Variants in CCDC178 observed in about 807,000 individuals in gnomAD.
CCDC178 encodes the protein coiled-coil domain-containing protein 178.
A neutral mutation model predicts 117.4 loss-of-function variants in CCDC178; 126 were observed. The observed-to-expected ratio is 1.07, with a 90% confidence interval of 0.93 to 1.24. The LOEUF (loss-of-function observed/expected upper bound fraction) is 1.24. CCDC178 is among the 50% of genes most tolerant of loss of function. The pLI, the probability that CCDC178 is intolerant of heterozygous loss-of-function variation, is 0.00. For synonymous variants in CCDC178, 283 were observed against 313.4 expected (o/e 0.90, Z 1.02); for missense variants, 1,030 against 986.9 (o/e 1.04, Z -0.59).
At chr18:33,276,948 G>A (rs1219036503) in intron 12 of CCDC178, among the ~76,000 whole-genome samples, 3 of 151,926 alleles carry the variant, frequency 2.0e-5, no homozygotes, top group Non-Finnish European at 4.4e-5. Context: ...CATTGAAACT[G>A]ACAATACTTT....
intron 6 of CCDC178, among the ~76,000 whole-genome samples, chr18:33,368,143 A>G (rs1010083708): frequency 2.0e-5 from 3 of 152,024 alleles, no homozygotes; most frequent in African/African-American, 7.2e-5. Flanking sequence ...ATGTGTACAT[A>G]TAAGGTATTT....
At chr18:33,342,577 T>C (rs1305568341) in intron 9 of CCDC178, among the ~76,000 whole-genome samples, 4 of 152,166 alleles carry the variant, frequency 2.6e-5, no homozygotes, top group Non-Finnish European at 5.9e-5. Flanking sequence ...ACGTTTCTAT[T>C]CACCCTTTTG....
intron 20 of CCDC178, among the ~76,000 whole-genome samples, chr18:33,147,356 A>ATTTTTTTTTTTTTTTTTTTTTTT (rs575608507): frequency 1.2e-4 from 11 of 94,620 alleles, no homozygotes; most frequent in Non-Finnish European, 1.9e-4. Context: ...TGCCTTTTTA[A>ATTTTTTTTTTTTTTTTTTTTTTT]TTTTTTTTTT....
chr18:33,174,366 T>A (rs1023270439), intron 20 of CCDC178, among the ~76,000 whole-genome samples: 9 of 152,110 alleles, frequency 5.9e-5, no homozygotes, highest in African/African-American at 2.2e-4. Flanking sequence ...ATATCAGAAG[T>A]TAAATTAATT....
At chr18:33,028,340 G>A (rs184273043) in intron 21 of CCDC178, among the ~76,000 whole-genome samples, 1 of 151,822 alleles carries the variant, frequency 6.6e-6, no homozygotes, top group African/African-American at 2.4e-5. Flanking sequence ...TAGGAATGTT[G>A]AAATACATTC....
chr18:33,243,744 T>C (rs924656841), intron 15 of CCDC178, among the ~76,000 whole-genome samples: 3 of 151,882 alleles, frequency 2.0e-5, no homozygotes, highest in African/African-American at 7.2e-5. Context: ...AAGAATTAAA[T>C]GTAGTTTGTG....
Position 33,112,779 on chromosome 18 carries a change from G to A in CCDC178, c.2239-19869C>T, listed in dbSNP as rs953633822. On this transcript the variant is annotated intron_variant, in intron 20 of 22. Transcript: ENST00000383096. ...TATTATTATCACTCCATTTGTTTTCGTGATTATTCTATACCCTACCACACG... is the reference window on the plus strand; with the variant it reads ...TATTATTATCACTCCATTTGTTTTCATGATTATTCTATACCCTACCACACG... Among the ~76,000 whole-genome samples, 6 of 151,874 alleles carry A rather than the reference G, an allele frequency of 4.0e-5. No individual in the cohort carries two copies. In the East Asian group the frequency reaches 7.8e-4, roughly 20 times the overall value.
At chr18:33,001,411 G>GCTGGGAGT (rs113946230) in intron 21 of CCDC178, among the ~76,000 whole-genome samples, 20,830 of 151,868 alleles carry the variant, frequency 0.14, 1,931 homozygotes, top group African/African-American at 0.27. Flanking sequence ...TACTTGGGAG[G>GCTGGGAGT]CTGAGGCAGG....
chr18:33,271,641 A>G (rs1182295086), intron 12 of CCDC178, among the ~76,000 whole-genome samples: 1 of 151,582 alleles, frequency 6.6e-6, no homozygotes, highest in East Asian at 1.9e-4. Context: ...TGACAGAACT[A>G]AAGAGAGAAA....
chr18:33,184,033 T>TA (rs2058761682), intron 20 of CCDC178, among the ~76,000 whole-genome samples: 2 of 152,108 alleles, frequency 1.3e-5, no homozygotes, highest in Admixed American at 6.6e-5. Flanking sequence ...GTCTACAGCT[T>TA]AAAGTATAAC....
intron 21 of CCDC178, among the ~76,000 whole-genome samples, chr18:33,067,973 T>A (rs1484306202): frequency 6.6e-6 from 1 of 151,552 alleles, no homozygotes; most frequent in Non-Finnish European, 1.5e-5. Context: ...ATTAATAACA[T>A]CAGAAATCAA....
intron 10 of CCDC178, among the ~76,000 whole-genome samples, chr18:33,332,855 G>A (rs1386053192): frequency 6.6e-6 from 1 of 152,002 alleles, no homozygotes; most frequent in Non-Finnish European, 1.5e-5. Flanking sequence ...CTTAAGCGAT[G>A]CACCCACCTC....
chr18:33,370,248 T>C, intron 5 of CCDC178, 59 bp from the exon 6 acceptor site: 1 of 1,345,634 alleles, frequency 7.4e-7, no homozygotes, highest in Non-Finnish European at 1.0e-6. Flanking sequence ...AATTTTGATG[T>C]TCAGAATAAG....
chr18:33,164,413 C>T (rs1048656181), intron 20 of CCDC178, among the ~76,000 whole-genome samples: 1 of 151,916 alleles, frequency 6.6e-6, no homozygotes, highest in African/African-American at 2.4e-5. Flanking sequence ...TGCACCCTAA[C>T]CAGGATCCAT....
chr18:33,419,053 C>T (rs919697132), intron 2 of CCDC178, among the ~76,000 whole-genome samples: 2 of 152,042 alleles, frequency 1.3e-5, no homozygotes, highest in African/African-American at 4.8e-5. Context: ...TACAAGGCTA[C>T]AGTAACCAAA....
chr18:33,309,300 T>A (rs1459862112), intron 11 of CCDC178, among the ~76,000 whole-genome samples: 1 of 152,006 alleles, frequency 6.6e-6, no homozygotes, highest in African/African-American at 2.4e-5. Context: ...CTTACTTAGG[T>A]GAATACCTGA....
At chr18:33,247,397 G>C (rs1308185399) in intron 14 of CCDC178, among the ~76,000 whole-genome samples, 2 of 151,856 alleles carry the variant, frequency 1.3e-5, no homozygotes, top group African/African-American at 4.8e-5. Context: ...AAAATAGATA[G>C]ATGGGGAAGA....
intron 21 of CCDC178, among the ~76,000 whole-genome samples, chr18:33,004,743 A>G (rs2055714059): frequency 6.6e-6 from 1 of 152,152 alleles, no homozygotes; most frequent in African/African-American, 2.4e-5. Context: ...ACCAGAATAT[A>G]TAAGGAACTC....
In CCDC178 at chr18:33,407,355, G is replaced by A. The variant is rs865957149; in HGVS notation, c.58+4676C>T. ...AAAAGAAAAAAGCCTGAAAATTAGCGATCTAAGCAACCAAATTTAAAATAT... is the reference window on the plus strand; with the variant it reads ...AAAAGAAAAAAGCCTGAAAATTAGCAATCTAAGCAACCAAATTTAAAATAT... On this transcript the variant is annotated intron_variant, in intron 3 of 22. Coordinates refer to ENST00000383096, the MANE Select transcript of CCDC178 (RefSeq NM_001105528.4). Among the ~76,000 whole-genome samples, 4 of 152,014 alleles carry A rather than the reference G, an allele frequency of 2.6e-5. No individual in the cohort carries two copies. The East Asian group carries it at 5.8e-4, about 22-fold the overall frequency.
Sources: gnomAD v4.1 joint callset for allele counts (sites outside exome capture counted in the v4.1 genomes callset) on GRCh38, gnomAD v4.1.1 for gene constraint, MANE v1.5 for transcripts, NCBI Gene and HGNC (gene_info 2026-07-23, HGNC 2026-07-21) for gene names.